Variants in STAT1 observed in about 807,000 individuals in gnomAD.
STAT1 encodes signal transducer and activator of transcription 1-alpha/beta.
A neutral mutation model predicts 111.7 loss-of-function variants in STAT1; 24 were observed. The ratio of observed to expected loss-of-function variants is 0.21; its 90% CI spans 0.16 to 0.30. The LOEUF (loss-of-function observed/expected upper bound fraction) is 0.30. Ranked by LOEUF, STAT1 falls within the 10% of genes least tolerant of loss-of-function variation. The pLI, the probability that STAT1 is intolerant of heterozygous loss-of-function variation, is 1.00. For missense variants in STAT1, 351 were observed against 911.9 expected (o/e 0.38, Z 7.92); for synonymous variants, 332 against 326.5 (o/e 1.02, Z -0.18).
In STAT1 at chr2:190,987,689, G is replaced by A. The variant is rs1001100947; in HGVS notation, c.1098-621C>T. Among the ~76,000 whole-genome samples the A allele has an allele frequency of 6.6e-6, 1 of 152,202 alleles. No individual in the cohort carries two copies. Among genetic ancestry groups the A allele is most frequent in the South Asian group, 2.1e-4 (1 of 4,834 alleles). The stretch of plus-strand genomic sequence containing the variant: ...AAGACCTTGCACTTCTATATCCAGT[G>A]ATTACTTTGTCATGTTCTGGCCAAA... On this transcript the variant is annotated intron_variant, in intron 12 of 24. Transcript: ENST00000361099. The surrounding 1 kb of genome is among the most constrained non-coding windows in gnomAD (Gnocchi z 4.0).
chr2:190,980,633 G>A lies in STAT1; in HGVS notation c.1619C>T (p.Thr540Met), dbSNP rs753414973. ...NASPDGLIPW[T>M]RFCKENINDK... is the part of the protein sequence containing the mutation. Reference sequence around the variant, plus strand: ...GACAGTCCTCACCTTACAAAACCTCGTCCACGGAATGAGACCATCGGGGCT... The same window carrying A: ...GACAGTCCTCACCTTACAAAACCTCATCCACGGAATGAGACCATCGGGGCT... Residue 540 changes from threonine (T) to methionine (M), a missense_variant, in exon 19 of 25, where the codon ACG (threonine) becomes ATG (methionine). Physicochemically the swap from Thr to Met is moderately conservative, Grantham distance 81 (BLOSUM62 -1). This residue lies in a region of STAT1 where 181 missense variants were observed against 426.1 expected (regional missense o/e 0.42). Transcript: ENST00000361099. The surrounding 1 kb of genome is among the most constrained non-coding windows in gnomAD (Gnocchi z 6.1). 1.7e-5 allele frequency: 28 copies of A among 1,614,056 alleles called. No homozygotes were observed. Among genetic ancestry groups the A allele is most frequent in the Non-Finnish European group, 2.2e-5 (26 of 1,180,038 alleles).
At position 190,993,334 on chromosome 2, in the gene STAT1, G is replaced by A; in HGVS notation, c.944+1727C>T. 1.2e-6 allele frequency: 1 copy of A among 853,280 alleles called. No individual in the cohort carries two copies. The highest frequency in any genetic ancestry group is 2.7e-5 in the East Asian group (1 of 37,674). The allele number at this position is 853,280 out of a possible 1,614,324, so 52.9% of individuals were successfully genotyped here. On this transcript the variant is annotated intron_variant, in intron 10 of 24. Coordinates refer to ENST00000361099, the MANE Select transcript of STAT1 (RefSeq NM_007315.4). This position sits in a 1 kb window ranked among gnomAD's most constrained non-coding sequence, Gnocchi z 4.1. ...TGCCATTGGCTCCTCTGTAATAACT[G>A]GAGATGACTGTTCGAAACCTTTCCT... is the stretch of plus-strand genomic sequence containing the variant.
intron 2 of STAT1, among the ~76,000 whole-genome samples, chr2:191,011,803 G>C (rs1055396168): frequency 6.6e-6 from 1 of 152,128 alleles, no homozygotes; most frequent in Non-Finnish European, 1.5e-5. Flanking sequence ...CTGCCATGCA[G>C]AACTGTGAGT....
At position 190,978,561 on chromosome 2, in the gene STAT1, G is replaced by T. The variant is rs1399574775; in HGVS notation, c.1873+295C>A. 4.5e-6 allele frequency: 2 copies of T among 440,572 alleles called. No individual in the cohort carries two copies. The highest frequency in any genetic ancestry group is 8.5e-6 in the Non-Finnish European group (2 of 235,118). 27.3% of individuals were successfully genotyped at this position (440,572 alleles called of 1,614,324 possible). A position where few individuals can be genotyped will look rare whatever the true frequency, so the allele number is the denominator to read the frequency against. On this transcript the variant is annotated intron_variant, in intron 21 of 24. Coordinates refer to ENST00000361099, the MANE Select transcript of STAT1 (RefSeq NM_007315.4). This position sits in a 1 kb window ranked among gnomAD's most constrained non-coding sequence, Gnocchi z 6.1. ...GAAATGTGATTCCTTCCAAGAACGG[G>T]TTGCAGATTACATTGACTCACATCC... is the stretch of plus-strand genomic sequence containing the variant.
Position 190,973,926 on chromosome 2 carries a change from G to A in STAT1, c.2238+904C>T, listed in dbSNP as rs1383765429. 1.3e-5 allele frequency among the ~76,000 whole-genome samples: 2 copies of A among 152,054 alleles called. No individual in the cohort carries two copies. Among genetic ancestry groups the A allele is most frequent in the African/African-American group, 2.4e-5 (1 of 41,392 alleles). On this transcript the variant is annotated intron_variant, in intron 24 of 24. Coordinates refer to ENST00000361099, the MANE Select transcript of STAT1 (RefSeq NM_007315.4). This position sits in a 1 kb window ranked among gnomAD's most constrained non-coding sequence, Gnocchi z 4.4. The stretch of plus-strand genomic sequence containing the variant: ...ATTCCCCAAATGTCTGAAGAGTGAC[G>A]CCCTCTCATTCTCGCTCACCTTTCC...
chr2:190,985,766 G>T (rs1692754790), intron 14 of STAT1, 106 bp from the exon 15 acceptor site: 1 of 1,222,230 alleles, frequency 8.2e-7, no homozygotes, highest in South Asian at 1.3e-5. Context: ...TGACAGACGT[G>T]ACTTTATCTT....
Position 191,000,231 on chromosome 2 carries a change from A to C in STAT1, c.463-527T>G, listed in dbSNP as rs41454245. Among the ~76,000 whole-genome samples the C allele has an allele frequency of 0.11, 17,327 of 152,224 alleles. 1,568 individuals carry two copies. Among genetic ancestry groups the C allele is most frequent in the African/African-American group, 0.25 (10,337 of 41,494 alleles). ...TATGTTCATTCTACAAATAAGCCTC[A>C]TTTGTTTGGGATTTGGTCACATTTC... On this transcript the variant is annotated intron_variant, in intron 6 of 24. Coordinates refer to ENST00000361099, the MANE Select transcript of STAT1 (RefSeq NM_007315.4). The surrounding 1 kb of genome is among the most constrained non-coding windows in gnomAD (Gnocchi z 4.8).
At position 190,984,387 on chromosome 2, in the gene STAT1, G is replaced by A. The variant is rs747331848; in HGVS notation, c.1270C>T (p.Leu424Phe). 1.2e-6 allele frequency: 2 copies of A among 1,613,190 alleles called. No homozygotes were observed. The highest frequency in any genetic ancestry group is 2.7e-5 in the African/African-American group (2 of 74,902). Reference protein sequence around the residue: ...NAGTRTNEGPLIVTEELHSLS... With the variant: ...NAGTRTNEGPFIVTEELHSLS... ...GAGTGAAGCTCTTCAGTAACGATGA[G>A]AGGACCCTTGGAAGAGAAAAGGAAA... Residue 424 changes from leucine to phenylalanine, a missense_variant, in exon 16 of 25, where the codon CTC becomes TTC. Transcript: ENST00000361099. This position sits in a 1 kb window ranked among gnomAD's most constrained non-coding sequence, Gnocchi z 5.2.
In STAT1 at chr2:190,996,309, G is replaced by A. The variant is rs369896120; in HGVS notation, c.786-1090C>T. On this transcript the variant is annotated intron_variant, in intron 9 of 24. Coordinates refer to ENST00000361099, the MANE Select transcript of STAT1 (RefSeq NM_007315.4). The surrounding 1 kb of genome is among the most constrained non-coding windows in gnomAD (Gnocchi z 4.5). ...ACCTTTTAAAAGTGTCTTCTTCCCT[G>A]GGAAAAGTATCTACTTCACTTTCTG... is the stretch of plus-strand genomic sequence containing the variant. 1.3e-4 allele frequency among the ~76,000 whole-genome samples: 20 copies of A among 152,354 alleles called. No homozygotes were observed. Among genetic ancestry groups the A allele is most frequent in the African/African-American group, 4.1e-4 (17 of 41,574 alleles).
Position 190,983,009 on chromosome 2 carries a change from G to A in STAT1, c.1447-491C>T, listed in dbSNP as rs1352256078. Among the ~76,000 whole-genome samples the A allele has an allele frequency of 6.6e-6, 1 of 152,186 alleles. No individual in the cohort carries two copies. The highest frequency in any genetic ancestry group is 1.5e-5 in the Non-Finnish European group (1 of 68,024). ...GTGTGGTCTACTGTTCCTAAGCATGGGAAGGCTGGGATGTGCCTTATGGAG... is the reference window on the plus strand; with the variant it reads ...GTGTGGTCTACTGTTCCTAAGCATGAGAAGGCTGGGATGTGCCTTATGGAG... On this transcript the variant is annotated intron_variant, in intron 17 of 24. Transcript: ENST00000361099. The surrounding 1 kb of genome is among the most constrained non-coding windows in gnomAD (Gnocchi z 5.7).
In STAT1 at chr2:191,012,847, T is replaced by C. The variant is rs1337311455; in HGVS notation, c.-2+678A>G. Among the ~76,000 whole-genome samples the C allele has an allele frequency of 2.0e-5, 3 of 152,238 alleles. No individual in the cohort carries two copies. The highest frequency in any genetic ancestry group is 1.3e-4 in the Admixed American group (2 of 15,290). ...CAAATTTTTGCGTCTCTAAATCCTA[T>C]AGCATTCAAAGCTATGTACAAAAGC... On this transcript the variant is annotated intron_variant, in intron 2 of 24. Coordinates refer to ENST00000361099, the MANE Select transcript of STAT1 (RefSeq NM_007315.4). This position sits in a 1 kb window ranked among gnomAD's most constrained non-coding sequence, Gnocchi z 4.0.
At position 191,012,518 on chromosome 2, in the gene STAT1, T is replaced by C. The variant is rs1246290895; in HGVS notation, c.-2+1007A>G. On this transcript the variant is annotated intron_variant, in intron 2 of 24. Transcript: ENST00000361099. This position sits in a 1 kb window ranked among gnomAD's most constrained non-coding sequence, Gnocchi z 4.0. Reference sequence around the variant, plus strand: ...ACCAACTCAGGGAGTGGCATGGCCATCTCCCAGTCACTGAGCTCAAATCTC... The same window carrying C: ...ACCAACTCAGGGAGTGGCATGGCCACCTCCCAGTCACTGAGCTCAAATCTC... 6.6e-6 allele frequency among the ~76,000 whole-genome samples: 1 copy of C among 152,054 alleles called. No individual in the cohort carries two copies. The highest frequency in any genetic ancestry group is 1.5e-5 in the Non-Finnish European group (1 of 68,020).
chr2:191,007,537 T>A lies in STAT1; in HGVS notation c.372+26A>T, dbSNP rs528951260. The A allele has an allele frequency of 1.3e-6, 2 of 1,507,360 alleles. No homozygotes were observed. Among genetic ancestry groups the A allele is most frequent in the Non-Finnish European group, 1.8e-6 (2 of 1,083,620 alleles). 93.4% of individuals were successfully genotyped at this position (1,507,360 alleles called of 1,614,324 possible). On this transcript the variant is annotated intron_variant, in intron 5 of 24. Coordinates refer to ENST00000361099, the MANE Select transcript of STAT1 (RefSeq NM_007315.4). This position sits in a 1 kb window ranked among gnomAD's most constrained non-coding sequence, Gnocchi z 4.2. ...GAATACATTTTTATTTTATTACAGTTTATGTGTTCAATGAGAAAAAAGTAC... is the reference window on the plus strand; with the variant it reads ...GAATACATTTTTATTTTATTACAGTATATGTGTTCAATGAGAAAAAAGTAC...
Position 190,984,251 on chromosome 2 carries a change from T to C in STAT1, c.1347+59A>G, listed in dbSNP as rs985012988. The stretch of plus-strand genomic sequence containing the variant: ...ACAAACACTGAGAAATAAAAATACA[T>C]GTAACAATTAAAAGTAAAAATAATG... On this transcript the variant is annotated intron_variant, in intron 16 of 24. Transcript: ENST00000361099. The surrounding 1 kb of genome is among the most constrained non-coding windows in gnomAD (Gnocchi z 5.2). 6 of 1,328,628 alleles carry C rather than the reference T, an allele frequency of 4.5e-6. No individual in the cohort carries two copies. Among genetic ancestry groups the C allele is most frequent in the Admixed American group, 1.7e-5 (1 of 58,538 alleles). The allele number at this position is 1,328,628 out of a possible 1,614,324, so 82.3% of individuals were successfully genotyped here.
chr2:190,976,912 G>A lies in STAT1; in HGVS notation c.1987C>T (p.Pro663Ser). The change falls in exon 22 of 25, where the codon CCC becomes TCC. Residue 663 changes from proline to serine, a missense_variant. Transcript: ENST00000361099. This position sits in a 1 kb window ranked among gnomAD's most constrained non-coding sequence, Gnocchi z 6.0. The part of the protein sequence containing the change: ...VMAAENIPEN[P>S]LKYLYPNIDK... ...ATATTTGGATACAGATACTTCAGGG[G>A]ATTCTCAGGAATATTCTCAGCAGCC... The A allele has an allele frequency of 6.2e-7, 1 of 1,614,080 alleles. No homozygotes were observed. The highest frequency in any genetic ancestry group is 8.5e-7 in the Non-Finnish European group (1 of 1,179,916).
chr2:191,007,487 TG>T lies in STAT1; in HGVS notation c.372+75del. ...AGAGATATTCATCATTGCTTTGACA[TG>T]GGCCCTAATAGTATTTGATGAATGA... On this transcript the variant is annotated intron_variant, in intron 5 of 24. Coordinates refer to ENST00000361099, the MANE Select transcript of STAT1 (RefSeq NM_007315.4). This position sits in a 1 kb window ranked among gnomAD's most constrained non-coding sequence, Gnocchi z 4.2. The T allele has an allele frequency of 2.8e-6, 3 of 1,067,910 alleles. No individual in the cohort carries two copies. Among genetic ancestry groups the T allele is most frequent in the Non-Finnish European group, 4.3e-6 (3 of 694,594 alleles). 66.2% of individuals were successfully genotyped at this position (1,067,910 alleles called of 1,614,324 possible).
At position 190,986,914 on chromosome 2, in the gene STAT1, T is replaced by G; in HGVS notation, c.1161A>C (p.Thr387=). The change falls in exon 14 of 25, where the codon ACA becomes ACC. Residue 387 remains threonine (T), a synonymous_variant. Coordinates refer to ENST00000361099, the MANE Select transcript of STAT1 (RefSeq NM_007315.4). This position sits in a 1 kb window ranked among gnomAD's most constrained non-coding sequence, Gnocchi z 5.0. ...TGGACTCCTCCATGTTCATCACTTT[T>G]GTGTGCGTGCCCAAAATGTTGAACT... ...FRKFNILGTH[T]KVMNMEESTN... The G allele has an allele frequency of 6.2e-7, 1 of 1,614,256 alleles. No homozygotes were observed. Among genetic ancestry groups the G allele is most frequent in the East Asian group, 2.2e-5 (1 of 44,888 alleles).
In STAT1 at chr2:190,978,941, C is replaced by T. The variant is rs567722352; in HGVS notation, c.1788G>A (p.Pro596=). 1.8e-5 allele frequency: 29 copies of T among 1,614,102 alleles called. No homozygotes were observed. The highest frequency in any genetic ancestry group is 2.3e-5 in the Non-Finnish European group (27 of 1,180,006). Residue 596 remains proline (P), a synonymous_variant, in exon 21 of 25, where the codon CCG becomes CCA. Coordinates refer to ENST00000361099, the MANE Select transcript of STAT1 (RefSeq NM_007315.4). This position sits in a 1 kb window ranked among gnomAD's most constrained non-coding sequence, Gnocchi z 6.1. ...RERALLKDQQ[P]GTFLLRFSES... The stretch of plus-strand genomic sequence containing the variant: ...CACTGAACCGCAGCAGGAAGGTCCC[C>T]GGCTGCTGGTCCTTCAACAGGGCAC...
Position 190,993,293 on chromosome 2 carries a change from T to G in STAT1, c.944+1768A>C. 1 of 661,910 alleles carries G rather than the reference T, an allele frequency of 1.5e-6. No homozygotes were observed. The highest frequency in any genetic ancestry group is 2.8e-6 in the Non-Finnish European group (1 of 352,130). The allele number at this position is 661,910 out of a possible 1,614,324, so 41.0% of individuals were successfully genotyped here. ...ATTGAAGGACTCCTGATCTGTCACA[T>G]CATACACCACTAGGATGCCATTGGC... On this transcript the variant is annotated intron_variant, in intron 10 of 24. Transcript: ENST00000361099. The surrounding 1 kb of genome is among the most constrained non-coding windows in gnomAD (Gnocchi z 4.1).
Sources: allele counts gnomAD v4.1 joint callset (sites outside exome capture counted in the v4.1 genomes callset), GRCh38; gene constraint gnomAD v4.1.1; regional missense constraint gnomAD v4.1.1; non-coding constraint Gnocchi (gnomAD v3.1); transcripts MANE v1.5; gene names NCBI Gene and HGNC (gene_info 2026-07-23, HGNC 2026-07-21).